Variants in IFT57 observed in about 807,000 individuals in gnomAD.
IFT57 encodes intraflagellar transport protein 57 homolog.
Under a neutral mutation model 56.8 loss-of-function variants are expected in IFT57, and 59 were observed. The observed-to-expected ratio is 1.04, with a 90% CI of 0.84 to 1.29. The LOEUF (loss-of-function observed/expected upper bound fraction) is 1.29. Ranked by LOEUF, IFT57 falls within the 50% of genes most tolerant of loss-of-function variation. IFT57 has a pLI of 0.00. For missense variants in IFT57, 470 were observed against 522.1 expected (o/e 0.90, Z 0.97); for synonymous variants, 209 against 186.1 (o/e 1.12, Z -1.00).
chr3:108,183,165 C>A (rs1353457315), intron 6 of IFT57, among the ~76,000 whole-genome samples: 1 of 151,878 alleles, frequency 6.6e-6, no homozygotes, highest in African/African-American at 2.4e-5. Context: ...TATTTGGTTT[C>A]CATTGTGATT....
chr3:108,173,032 T>C (rs2080103020), intron 6 of IFT57, among the ~76,000 whole-genome samples: 2 of 151,816 alleles, frequency 1.3e-5, no homozygotes, highest in African/African-American at 4.8e-5. Flanking sequence ...CTTCTAGAAA[T>C]TATTCTCACA....
intron 5 of IFT57, among the ~76,000 whole-genome samples, chr3:108,203,520 C>T (rs1361960871): frequency 6.6e-6 from 1 of 152,170 alleles, no homozygotes; most frequent in Non-Finnish European, 1.5e-5. Flanking sequence ...GGTAATTTCT[C>T]CCTGCATTAG....
In IFT57 at chr3:108,183,718, C is replaced by T. The variant is rs943517154; in HGVS notation, c.777+7803G>A. Among the ~76,000 whole-genome samples, 8 of 152,060 alleles carry T rather than the reference C, an allele frequency of 5.3e-5. No homozygotes were observed. In the East Asian group the frequency reaches 1.3e-3, roughly 26 times the overall value. ...AATAGCCTTTGCTTGGTCTCACTTG[C>T]GTGGTCTCCATTTATTTTAACAAAG... On this transcript the variant is annotated intron_variant, in intron 6 of 10. Transcript: ENST00000264538.
At position 108,222,370 on chromosome 3, in the gene IFT57, C is replaced by A. The variant is rs753935316; in HGVS notation, c.-48G>T. On this transcript the variant is annotated 5_prime_UTR_variant, in exon 1 of 11. Coordinates refer to ENST00000264538, the MANE Select transcript of IFT57 (RefSeq NM_018010.4). ...GTGGGCTCAGGCCCACAGACCTCTG[C>A]GGCCTAAGCCGCCAGCCCTGCCGCC... 2 of 1,517,692 alleles carry A rather than the reference C, an allele frequency of 1.3e-6. No individual in the cohort carries two copies. The highest frequency in any genetic ancestry group is 1.4e-5 in the African/African-American group (1 of 71,716). The allele number at this position is 1,517,692 out of a possible 1,614,324, so 94.0% of individuals were successfully genotyped here.
chr3:108,175,693 C>A (rs972849687), intron 6 of IFT57, among the ~76,000 whole-genome samples: 13 of 151,452 alleles, frequency 8.6e-5, no homozygotes, highest in African/African-American at 3.2e-4. Context: ...TCTGAAACTG[C>A]AGGAAAAAGA....
At chr3:108,196,732 T>C (rs1038243541) in intron 5 of IFT57, among the ~76,000 whole-genome samples, 4 of 152,140 alleles carry the variant, frequency 2.6e-5, no homozygotes, top group African/African-American at 7.2e-5. Flanking sequence ...AGTTGCTAAG[T>C]GAATAAAGGG....
intron 6 of IFT57, among the ~76,000 whole-genome samples, chr3:108,176,545 T>G (rs2080125016): frequency 2.0e-5 from 3 of 151,872 alleles, no homozygotes; most frequent in Non-Finnish European, 4.4e-5. Context: ...AAATGAATGT[T>G]TATTATCCTG....
intron 3 of IFT57, among the ~76,000 whole-genome samples, chr3:108,216,638 A>C (rs943990407): frequency 4.6e-5 from 7 of 152,252 alleles, no homozygotes; most frequent in Non-Finnish European, 8.8e-5. Flanking sequence ...GATATATCCA[A>C]AAGAAATGTA....
chr3:108,199,869 A>G (rs901486356), intron 5 of IFT57, among the ~76,000 whole-genome samples: 1 of 152,170 alleles, frequency 6.6e-6, no homozygotes, highest in African/African-American at 2.4e-5. Context: ...TTTGAGCTGA[A>G]CCTTGAACAT....
At chr3:108,216,715 G>A (rs112605127) in intron 3 of IFT57, among the ~76,000 whole-genome samples, 18 of 152,252 alleles carry the variant, frequency 1.2e-4, no homozygotes, top group African/African-American at 3.9e-4. Flanking sequence ...CTCAAGATAC[G>A]GAATCTGCCT....
intron 3 of IFT57, 109 bp from the exon 4 acceptor site, chr3:108,214,130 C>A: frequency 1.7e-6 from 1 of 604,320 alleles, no homozygotes; most frequent in Non-Finnish European, 2.8e-6. Flanking sequence ...CTTTTTCATT[C>A]CGCTTCCATA....
chr3:108,180,492 C>A (rs2108313631), intron 6 of IFT57, among the ~76,000 whole-genome samples: 1 of 152,064 alleles, frequency 6.6e-6, no homozygotes, highest in East Asian at 1.9e-4. Context: ...GTACTCCCAC[C>A]TTCAGGAATG....
intron 6 of IFT57, among the ~76,000 whole-genome samples, chr3:108,170,660 T>C (rs2080087592): frequency 8.0e-6 from 1 of 125,078 alleles, no homozygotes; most frequent in African/African-American, 3.0e-5. Flanking sequence ...TTAAATTTCA[T>C]GTGGAACCAA....
chr3:108,179,371 T>C (rs991456838), intron 6 of IFT57, among the ~76,000 whole-genome samples: 6 of 151,800 alleles, frequency 4.0e-5, no homozygotes, highest in African/African-American at 1.2e-4. Flanking sequence ...GCAAGGAAAA[T>C]ACCATGATAG....
In IFT57 at chr3:108,183,057, T is replaced by C. The variant is rs559099458; in HGVS notation, c.777+8464A>G. Among the ~76,000 whole-genome samples, 6 of 152,190 alleles carry C rather than the reference T, an allele frequency of 3.9e-5. No individual in the cohort carries two copies. The South Asian group carries it at 6.2e-4, about 16-fold the overall frequency. On this transcript the variant is annotated intron_variant, in intron 6 of 10. Coordinates refer to ENST00000264538, the MANE Select transcript of IFT57 (RefSeq NM_018010.4). ...TCATTTAGTAATAAGTACTGCATAA[T>C]TGAAGAAAAGGGCCTAAGTAGGGTT...
chr3:108,215,187 G>A (rs1367793573), intron 3 of IFT57, among the ~76,000 whole-genome samples: 5 of 152,016 alleles, frequency 3.3e-5, no homozygotes, highest in Admixed American at 3.3e-4. Context: ...GTACTTAAAT[G>A]TATTTGGGCT....
At chr3:108,185,948 G>A (rs189373493) in intron 6 of IFT57, among the ~76,000 whole-genome samples, 122 of 152,010 alleles carry the variant, frequency 8.0e-4, no homozygotes, top group South Asian at 5.8e-3. Context: ...TTTTGATATC[G>A]GACCATGCCC....
rs535996029 is a variant in IFT57 at position 108,161,894 on chromosome 3, A to C, written c.*583T>G. On this transcript the variant is annotated 3_prime_UTR_variant, in exon 11 of 11. Coordinates refer to ENST00000264538, the MANE Select transcript of IFT57 (RefSeq NM_018010.4). ...TTTATTTAGTGGCTTAGATCCTAGA[A>C]GATAGATTCCCTATAAAATCATTTT... is the stretch of plus-strand genomic sequence containing the variant. 2 of 152,350 alleles carry C rather than the reference A, an allele frequency of 1.3e-5. No individual in the cohort carries two copies. The highest frequency in any genetic ancestry group is 2.9e-5 in the Non-Finnish European group (2 of 68,030). The allele number at this position is 152,350 out of a possible 1,614,324, so 9.4% of individuals were successfully genotyped here. A position where few individuals can be genotyped will look rare whatever the true frequency, so the allele number is the denominator to read the frequency against.
intron 6 of IFT57, among the ~76,000 whole-genome samples, chr3:108,178,610 C>T (rs542227740): frequency 6.6e-6 from 1 of 151,796 alleles, no homozygotes; most frequent in South Asian, 2.1e-4. Flanking sequence ...AAGAAGATAT[C>T]CAAAAGCTAA....
Sources: allele counts gnomAD v4.1 joint callset (sites outside exome capture counted in the v4.1 genomes callset), GRCh38; gene constraint gnomAD v4.1.1; transcripts MANE v1.5; gene names NCBI Gene and HGNC (gene_info 2026-07-23, HGNC 2026-07-21).